ZDHHC14: variants seen among roughly 807,000 people sequenced by gnomAD.
The protein encoded by ZDHHC14 is zDHHC palmitoyltransferase 14.
Under a neutral mutation model 47.7 loss-of-function variants are expected in ZDHHC14, and 16 were observed. That is an observed-to-expected ratio of 0.34 (90% CI 0.23 to 0.51). ZDHHC14 has a LOEUF of 0.51. Among genes scored for constraint, ZDHHC14 ranks in the 20% least tolerant of loss-of-function variants. The pLI is 0.97. For missense variants in ZDHHC14, 515 were observed against 662.5 expected (o/e 0.78, Z 2.44); for synonymous variants, 293 against 278.9 (o/e 1.05, Z -0.50).
At chr6:157,504,446 C>G (rs1428674014) in intron 1 of ZDHHC14, among the ~76,000 whole-genome samples, 1 of 133,918 alleles carries the variant, frequency 7.5e-6, no homozygotes, top group Non-Finnish European at 1.5e-5. Flanking sequence ...CCGCACCCAG[C>G]CTATTTTTTT....
chr6:157,499,241 T>C (rs957564180), intron 1 of ZDHHC14, among the ~76,000 whole-genome samples: 1 of 152,066 alleles, frequency 6.6e-6, no homozygotes, highest in African/African-American at 2.4e-5. Flanking sequence ...ATACCCTAGA[T>C]TGGGTAGCTT....
intron 1 of ZDHHC14, among the ~76,000 whole-genome samples, chr6:157,482,814 C>T (rs1031181790): frequency 6.6e-6 from 1 of 151,122 alleles, no homozygotes; most frequent in African/African-American, 2.4e-5. Context: ...ATGAACTCAG[C>T]TCACTGCAAC....
chr6:157,620,351 A>G (rs1005276057), intron 3 of ZDHHC14, among the ~76,000 whole-genome samples: 4 of 152,126 alleles, frequency 2.6e-5, no homozygotes, highest in African/African-American at 9.7e-5. Flanking sequence ...AGCTGCCCCT[A>G]ATTACCTCTC....
chr6:157,396,292 T>C (rs1777521781), intron 1 of ZDHHC14, among the ~76,000 whole-genome samples: 1 of 152,102 alleles, frequency 6.6e-6, no homozygotes, highest in Non-Finnish European at 1.5e-5. Context: ...GCTAGGCAAG[T>C]AATGACTCCT....
chr6:157,453,166 G>A (rs544662810), intron 1 of ZDHHC14, among the ~76,000 whole-genome samples: 1 of 152,246 alleles, frequency 6.6e-6, no homozygotes, highest in East Asian at 1.9e-4. Context: ...TGACTTGGGT[G>A]TCTCCAGGTT....
chr6:157,525,159 T>A (rs190498351), intron 1 of ZDHHC14, among the ~76,000 whole-genome samples: 70 of 151,952 alleles, frequency 4.6e-4, no homozygotes, highest in Middle Eastern at 3.4e-3. Context: ...GGGATTTTGT[T>A]TTTTGTTTTT....
At chr6:157,521,650 C>T (rs1247781326) in intron 1 of ZDHHC14, among the ~76,000 whole-genome samples, 1 of 152,250 alleles carries the variant, frequency 6.6e-6, no homozygotes, top group East Asian at 1.9e-4. Flanking sequence ...GAAGGTTCTG[C>T]TTCCTAATGC....
intron 5 of ZDHHC14, among the ~76,000 whole-genome samples, chr6:157,640,462 G>GA (rs1449960662): frequency 6.6e-6 from 1 of 152,208 alleles, no homozygotes; most frequent in East Asian, 1.9e-4. Flanking sequence ...ACCACAACGG[G>GA]AAAATCACGA....
At chr6:157,628,122 T>C (rs947747102) in intron 3 of ZDHHC14, among the ~76,000 whole-genome samples, 15 of 152,216 alleles carry the variant, frequency 9.9e-5, no homozygotes, top group African/African-American at 3.1e-4. Flanking sequence ...GAAGAATGCA[T>C]ATGCTTTGTT....
chr6:157,409,170 C>T (rs1323704656), intron 1 of ZDHHC14, among the ~76,000 whole-genome samples: 9 of 152,210 alleles, frequency 5.9e-5, no homozygotes, highest in Admixed American at 5.9e-4. Flanking sequence ...TCAAAATCTT[C>T]TGTTGCTGAG....
Position 157,675,232 on chromosome 6 carries a change from G to A in ZDHHC14, c.*2110G>A, listed in dbSNP as rs1778951641. On this transcript the variant is annotated 3_prime_UTR_variant, in exon 9 of 9. Transcript: ENST00000359775. ...CAGTCCATTCTCAGCTCATTCCCCT[G>A]GAAAGCAAGATCATGGTCTTCAGAG... is the stretch of plus-strand genomic sequence containing the variant. 6.6e-6 allele frequency: 1 copy of A among 152,210 alleles called. No individual in the cohort carries two copies. Among genetic ancestry groups the A allele is most frequent in the Admixed American group, 6.5e-5 (1 of 15,274 alleles). 9.4% of individuals were successfully genotyped at this position (152,210 alleles called of 1,614,324 possible).
chr6:157,414,060 C>G (rs543037872), intron 1 of ZDHHC14, among the ~76,000 whole-genome samples: 1 of 152,138 alleles, frequency 6.6e-6, no homozygotes, highest in South Asian at 2.1e-4. Flanking sequence ...CCTCAGCCTC[C>G]AGAGTAGCTG....
chr6:157,508,992 G>A (rs1386573818), intron 1 of ZDHHC14, among the ~76,000 whole-genome samples: 8 of 152,206 alleles, frequency 5.3e-5, no homozygotes, highest in Non-Finnish European at 1.2e-4. Flanking sequence ...GAGGACACAA[G>A]TTCCCGTTTC....
rs551583843 is a variant in ZDHHC14 at position 157,511,934 on chromosome 6, A to G, written c.246-30651A>G. ...ATCACACTCACGATGTCTGGGAGAG[A>G]AGGTGTTGGCTGTGCTGCTCAGTGG... is the stretch of plus-strand genomic sequence containing the variant. On this transcript the variant is annotated intron_variant, in intron 1 of 8. Coordinates refer to ENST00000359775, the MANE Select transcript of ZDHHC14 (RefSeq NM_024630.3). Among the ~76,000 whole-genome samples, 9 of 152,144 alleles carry G rather than the reference A, an allele frequency of 5.9e-5. No homozygotes were observed. The South Asian group carries it at 1.9e-3, about 32-fold the overall frequency.
chr6:157,442,369 C>T (rs1377161362), intron 1 of ZDHHC14, among the ~76,000 whole-genome samples: 1 of 151,974 alleles, frequency 6.6e-6, no homozygotes, highest in African/African-American at 2.4e-5. Context: ...GACGATAGAG[C>T]GAGACTCTGT....
rs144830085 is a variant in ZDHHC14, at chr6:157,589,841, G to C, written c.407-3147G>C. ...TGGGTAACAGGGAGAGGTTGGAACA[G>C]TTTGGAAGGCTCAGAAGAAGATAGG... On this transcript the variant is annotated intron_variant, in intron 2 of 8. Transcript: ENST00000359775. Among the ~76,000 whole-genome samples the C allele has an allele frequency of 9.8e-3, 1,489 of 152,314 alleles. 31 individuals carry two copies. The highest frequency in any genetic ancestry group is 0.034 in the African/African-American group (1,409 of 41,566).
At chr6:157,518,836 G>A (rs924927) in intron 1 of ZDHHC14, among the ~76,000 whole-genome samples, 112,343 of 152,196 alleles carry the variant, frequency 0.74, 41,918 homozygotes, top group African/African-American at 0.84. Context: ...CGCATTCCCA[G>A]CGCATTCTTG....
chr6:157,645,870 T>C lies in ZDHHC14; in HGVS notation c.855+31T>C, dbSNP rs1777526496. ...TTCCTGACCACACGGGACACGGGCG[T>C]GTTCTTGGGTTTTGGGCAATGGAGG... On this transcript the variant is annotated intron_variant, in intron 6 of 8. Coordinates refer to ENST00000359775, the MANE Select transcript of ZDHHC14 (RefSeq NM_024630.3). 8.8e-6 allele frequency: 14 copies of C among 1,596,062 alleles called. No homozygotes were observed. In the East Asian group the frequency reaches 2.0e-4, roughly 23 times the overall value.
intron 1 of ZDHHC14, among the ~76,000 whole-genome samples, chr6:157,484,519 G>T: frequency 6.9e-6 from 1 of 145,974 alleles, no homozygotes; most frequent in Non-Finnish European, 1.5e-5. Context: ...ATCTGCATAC[G>T]TACCCCTGAA....
Sources: gnomAD v4.1 joint callset for allele counts (sites outside exome capture counted in the v4.1 genomes callset) on GRCh38, gnomAD v4.1.1 for gene constraint, MANE v1.5 for transcripts, NCBI Gene and HGNC (gene_info 2026-07-23, HGNC 2026-07-21) for gene names.